Variants in NPAS3 observed in about 807,000 individuals in gnomAD.
The protein encoded by NPAS3 is neuronal PAS domain protein 3.
A neutral mutation model predicts 73.1 loss-of-function variants in NPAS3; 14 were observed. That is an observed-to-expected ratio of 0.19 (90% CI 0.13 to 0.30). NPAS3 has a LOEUF of 0.30. Ranked by LOEUF, NPAS3 falls within the 10% of genes least tolerant of loss-of-function variation. The pLI is 1.00. For synonymous variants in NPAS3, 620 were observed against 541.5 expected (o/e 1.14, Z -2.01); for missense variants, 1,096 against 1,250.0 (o/e 0.88, Z 1.86).
intron 2 of NPAS3, among the ~76,000 whole-genome samples, chr14:33,184,876 C>T (rs1028676078): frequency 6.6e-6 from 1 of 152,126 alleles, no homozygotes; most frequent in Non-Finnish European, 1.5e-5. Flanking sequence ...TCCTGTGTAA[C>T]ATGAACATAG....
At chr14:33,066,061 T>C (rs2041268066) in intron 2 of NPAS3, among the ~76,000 whole-genome samples, 1 of 152,108 alleles carries the variant, frequency 6.6e-6, no homozygotes, top group East Asian at 1.9e-4. Flanking sequence ...TTTTATGTAG[T>C]TGTAGGGGAG....
rs80317255 is a variant in NPAS3, at chr14:33,761,074, T to C, written c.853-13263T>C. On this transcript the variant is annotated intron_variant, in intron 7 of 11. Transcript: ENST00000356141. ...AAGAACTACATCAAATAGAACCCTATAAAGAAACTTTATTTTCTCCTCCCA... is the reference window on the plus strand; with the variant it reads ...AAGAACTACATCAAATAGAACCCTACAAAGAAACTTTATTTTCTCCTCCCA... 3.0e-3 allele frequency among the ~76,000 whole-genome samples: 459 copies of C among 152,338 alleles called. 2 individuals are homozygous for C. Among genetic ancestry groups the C allele is most frequent in the African/African-American group, 0.01 (435 of 41,560 alleles).
At chr14:33,728,922 G>T (rs2061336519) in intron 6 of NPAS3, among the ~76,000 whole-genome samples, 2 of 152,246 alleles carry the variant, frequency 1.3e-5, no homozygotes, top group Non-Finnish European at 2.9e-5. Flanking sequence ...GATATTGTTT[G>T]GTGTGTGAGA....
rs144612375 is a variant in NPAS3, at chr14:33,211,781, A to T, written c.141-3401A>T. Among the ~76,000 whole-genome samples, 5 of 152,276 alleles carry T rather than the reference A, an allele frequency of 3.3e-5. No homozygotes were observed. In the East Asian group the frequency reaches 7.7e-4, roughly 24 times the overall value. On this transcript the variant is annotated intron_variant, in intron 2 of 11. Coordinates refer to ENST00000356141, the Ensembl canonical transcript of NPAS3. The stretch of plus-strand genomic sequence containing the variant: ...TTGGTGGTAATAATGATTTGTGAGG[A>T]TGATAATGTAGTCATCAAAAAGAGT...
At chr14:33,631,018 T>C (rs2058362744) in intron 5 of NPAS3, among the ~76,000 whole-genome samples, 1 of 152,246 alleles carries the variant, frequency 6.6e-6, no homozygotes. Context: ...TATTTACATT[T>C]TCAGAAGGGC....
At chr14:33,632,225 C>A (rs2058397635) in intron 5 of NPAS3, among the ~76,000 whole-genome samples, 1 of 152,246 alleles carries the variant, frequency 6.6e-6, no homozygotes, top group South Asian at 2.1e-4. Flanking sequence ...CAACTTTAGC[C>A]ATACCTGAGT....
At chr14:33,142,398 T>C (rs1424920943) in intron 2 of NPAS3, among the ~76,000 whole-genome samples, 4 of 152,136 alleles carry the variant, frequency 2.6e-5, no homozygotes, top group South Asian at 2.1e-4. Context: ...TAGTACAGTA[T>C]GTGGCATATA....
intron 7 of NPAS3, among the ~76,000 whole-genome samples, chr14:33,762,144 T>G (rs2062313566): frequency 6.6e-6 from 1 of 152,262 alleles, no homozygotes; most frequent in Admixed American, 6.5e-5. Context: ...TTCTAATTTC[T>G]TATGTATAAC....
At chr14:33,394,848 T>C (rs959568779) in intron 4 of NPAS3, among the ~76,000 whole-genome samples, 37 of 152,296 alleles carry the variant, frequency 2.4e-4, no homozygotes, top group Middle Eastern at 3.4e-3. Context: ...TTTTTATCTT[T>C]ACCCAGATGC....
At chr14:33,261,256 A>C (rs1011080661) in intron 3 of NPAS3, among the ~76,000 whole-genome samples, 1 of 151,944 alleles carries the variant, frequency 6.6e-6, no homozygotes, top group African/African-American at 2.4e-5. Context: ...AATTTAATCA[A>C]ATGGAATATT....
At chr14:33,444,782 CA>C (rs888733712) in intron 4 of NPAS3, among the ~76,000 whole-genome samples, 1 of 152,266 alleles carries the variant, frequency 6.6e-6, no homozygotes, top group African/African-American at 2.4e-5. Context: ...CATCTATTCA[CA>C]TTCCCCTTTT....
At chr14:33,651,768 T>C (rs1419576932) in intron 5 of NPAS3, among the ~76,000 whole-genome samples, 1 of 152,176 alleles carries the variant, frequency 6.6e-6, no homozygotes, top group Non-Finnish European at 1.5e-5. Flanking sequence ...GCTCAATACA[T>C]GTTAGTTTGG....
At chr14:33,382,384 A>G (rs1417650860) in intron 4 of NPAS3, among the ~76,000 whole-genome samples, 1 of 152,140 alleles carries the variant, frequency 6.6e-6, no homozygotes, top group East Asian at 1.9e-4. Context: ...ATCTTTGGAG[A>G]TCCTTCTGGA....
At chr14:33,345,620 C>G (rs924168478) in intron 3 of NPAS3, among the ~76,000 whole-genome samples, 3 of 152,116 alleles carry the variant, frequency 2.0e-5, no homozygotes, top group African/African-American at 7.2e-5. Context: ...AGTTAACTTC[C>G]TTTTCTTGTG....
intron 5 of NPAS3, among the ~76,000 whole-genome samples, chr14:33,610,069 T>G (rs1014250718): frequency 6.6e-6 from 1 of 152,226 alleles, no homozygotes; most frequent in African/African-American, 2.4e-5. Context: ...GACAGCCACT[T>G]GCTTTACATT....
intron 1 of NPAS3, among the ~76,000 whole-genome samples, chr14:32,957,472 C>T (rs372432269): frequency 5.3e-4 from 80 of 151,174 alleles, no homozygotes; most frequent in Middle Eastern, 3.4e-3. Context: ...CCTGGGTTCA[C>T]GCCATTCTCC....
chr14:33,691,775 A>C (rs1486185493), intron 6 of NPAS3, among the ~76,000 whole-genome samples: 1 of 152,168 alleles, frequency 6.6e-6, no homozygotes, highest in Admixed American at 6.5e-5. Context: ...AATTATTACC[A>C]CAGAGCCCCT....
At chr14:33,760,707 T>TAA (rs58546400) in intron 7 of NPAS3, among the ~76,000 whole-genome samples, 41 of 145,940 alleles carry the variant, frequency 2.8e-4, no homozygotes, top group Middle Eastern at 3.5e-3. Flanking sequence ...CCAAACAAGT[T>TAA]AAAAAAAAAA....
chr14:33,080,490 G>C (rs914425785), intron 2 of NPAS3, among the ~76,000 whole-genome samples: 1 of 152,228 alleles, frequency 6.6e-6, no homozygotes, highest in African/African-American at 2.4e-5. Context: ...AGGCAAGTAA[G>C]TGTGTAGTTA....
Sources: allele counts gnomAD v4.1 joint callset (sites outside exome capture counted in the v4.1 genomes callset), GRCh38; gene constraint gnomAD v4.1.1; transcripts MANE v1.5; gene names NCBI Gene and HGNC (gene_info 2026-07-23, HGNC 2026-07-21).